The following FOXJ3 variants were observed in gnomAD, a reference collection of about 807,000 sequenced individuals.
The protein encoded by FOXJ3 is forkhead box J3.
A neutral mutation model predicts 76.1 loss-of-function variants in FOXJ3; 22 were observed. That is an observed-to-expected ratio of 0.29 (90% CI 0.21 to 0.41). The LOEUF (loss-of-function observed/expected upper bound fraction) is 0.41. FOXJ3 is among the 10% of genes least tolerant of loss of function. FOXJ3 has a pLI of 1.00. For missense variants in FOXJ3, 613 were observed against 762.1 expected, an observed-to-expected ratio of 0.80 and a Z score of 2.30; for synonymous variants, 269 against 261.2, an observed-to-expected ratio of 1.03 and a Z score of -0.29.
chr1:42,277,641 C>CA (rs1652375958), intron 3 of FOXJ3, among the ~76,000 whole-genome samples: 1 of 52,148 alleles, frequency 1.9e-5, no homozygotes, highest in East Asian at 5.8e-4. Flanking sequence ...ACTAAAAATA[C>CA]AAAAAATTAG....
chr1:42,312,351 C>G (rs1346786827), intron 1 of FOXJ3, among the ~76,000 whole-genome samples: 2 of 152,158 alleles, frequency 1.3e-5, no homozygotes, highest in Admixed American at 1.3e-4. Flanking sequence ...AGCGACTGCA[C>G]CTGGCCCTGA....
chr1:42,228,587 G>C (rs1647784714), intron 4 of FOXJ3, among the ~76,000 whole-genome samples: 1 of 142,422 alleles, frequency 7.0e-6, no homozygotes, highest in African/African-American at 2.6e-5. Flanking sequence ...AAAAAACTTT[G>C]GAAAAGCATA....
intron 2 of FOXJ3, among the ~76,000 whole-genome samples, chr1:42,289,389 T>C (rs1348158667): frequency 6.6e-6 from 1 of 152,094 alleles, no homozygotes; most frequent in Non-Finnish European, 1.5e-5. Flanking sequence ...GAGGAATAAA[T>C]GACAAGATAC....
At chr1:42,282,986 A>C (rs1292352670) in intron 2 of FOXJ3, among the ~76,000 whole-genome samples, 1 of 152,202 alleles carries the variant, frequency 6.6e-6, no homozygotes, top group Non-Finnish European at 1.5e-5. Context: ...GTGAGACTGT[A>C]ACAAGTTCAA....
At chr1:42,286,264 G>C (rs1219922098) in intron 2 of FOXJ3, among the ~76,000 whole-genome samples, 1 of 152,084 alleles carries the variant, frequency 6.6e-6, no homozygotes, top group African/African-American at 2.4e-5. Context: ...TTCTAAATTA[G>C]TTATATACAA....
intron 5 of FOXJ3, among the ~76,000 whole-genome samples, chr1:42,212,964 A>C (rs1646993349): frequency 6.7e-6 from 1 of 149,560 alleles, no homozygotes; most frequent in Admixed American, 6.6e-5. Flanking sequence ...TAGCAAAAAA[A>C]AAAAAAACAA....
intron 4 of FOXJ3, among the ~76,000 whole-genome samples, chr1:42,230,813 C>G (rs1358159549): frequency 6.6e-6 from 1 of 151,984 alleles, no homozygotes; most frequent in African/African-American, 2.4e-5. Flanking sequence ...AAAAATTAAA[C>G]AGAATTACCA....
At chr1:42,280,041 A>C (rs1228597173) in intron 2 of FOXJ3, among the ~76,000 whole-genome samples, 2 of 152,134 alleles carry the variant, frequency 1.3e-5, no homozygotes, top group East Asian at 3.9e-4. Flanking sequence ...TAAGCTGTAG[A>C]ACTGTGAAGA....
rs955948388 is a variant in FOXJ3 at position 42,265,151 on chromosome 1, G to A, written c.408C>T (p.Phe136=). The change falls in exon 4 of 13, where the codon TTC becomes TTT. Residue 136 remains phenylalanine, a synonymous_variant. Coordinates refer to ENST00000361346, the MANE Select transcript of FOXJ3 (RefSeq NM_014947.5). ...IRHNLSLNKC[F]LKVPRSKDDP... ...CATCCTTAGATCGAGGCACTTTAAG[G>A]AAACATTTGTTCAATGACAGATTAT... 8.1e-6 allele frequency: 13 copies of A among 1,602,006 alleles called. No individual in the cohort carries two copies. The Admixed American group carries it at 1.5e-4, about 19-fold the overall frequency.
intron 7 of FOXJ3, among the ~76,000 whole-genome samples, chr1:42,196,804 T>C (rs1646660536): frequency 6.6e-6 from 1 of 152,258 alleles, no homozygotes; most frequent in Non-Finnish European, 1.5e-5. Flanking sequence ...TCTAGTTCTA[T>C]ACATGCTTCT....
intron 2 of FOXJ3, among the ~76,000 whole-genome samples, chr1:42,288,594 C>T (rs574681540): frequency 9.2e-5 from 14 of 152,192 alleles, no homozygotes; most frequent in Non-Finnish European, 7.3e-5. Context: ...GTTTAAGCTG[C>T]TATATGTGGT....
At chr1:42,333,650 A>G (rs1291991668) in intron 1 of FOXJ3, among the ~76,000 whole-genome samples, 1 of 152,086 alleles carries the variant, frequency 6.6e-6, no homozygotes, top group Non-Finnish European at 1.5e-5. Flanking sequence ...TCTCACTGTT[A>G]TTGCGGGAAC....
chr1:42,192,471 T>G (rs932100437), intron 8 of FOXJ3, among the ~76,000 whole-genome samples: 1 of 152,232 alleles, frequency 6.6e-6, no homozygotes, highest in South Asian at 2.1e-4. Flanking sequence ...GAAACTATTA[T>G]TTCTAACACT....
At chr1:42,201,846 T>A (rs191888405) in intron 6 of FOXJ3, among the ~76,000 whole-genome samples, 3 of 152,274 alleles carry the variant, frequency 2.0e-5, no homozygotes, top group African/African-American at 7.2e-5. Context: ...TTGCTGGGCC[T>A]GAAGTCTTCT....
intron 5 of FOXJ3, 70 bp downstream of exon 5, chr1:42,227,808 GGAAAA>G: frequency 2.6e-6 from 2 of 767,656 alleles, no homozygotes; most frequent in Non-Finnish European, 4.2e-6. Context: ...GTGCTAGACT[GGAAAA>G]GAACTTTCAA....
At chr1:42,214,807 TC>T (rs1183272189) in intron 5 of FOXJ3, among the ~76,000 whole-genome samples, 2 of 152,098 alleles carry the variant, frequency 1.3e-5, no homozygotes, top group African/African-American at 4.8e-5. Flanking sequence ...GAAAAGGCAA[TC>T]CTGTAAGAGA....
chr1:42,187,799 T>C (rs944129404), intron 11 of FOXJ3, among the ~76,000 whole-genome samples: 5 of 152,170 alleles, frequency 3.3e-5, no homozygotes, highest in Admixed American at 6.5e-5. Flanking sequence ...ACTGAATGAA[T>C]AGGTCACCAG....
chr1:42,185,665 C>G lies in FOXJ3; in HGVS notation c.1645+3072G>C, dbSNP rs555875448. Among the ~76,000 whole-genome samples, 7 of 152,166 alleles carry G rather than the reference C, an allele frequency of 4.6e-5. No individual in the cohort carries two copies. In the East Asian group the frequency reaches 1.2e-3, roughly 25 times the overall value. On this transcript the variant is annotated intron_variant, in intron 11 of 12. Coordinates refer to ENST00000361346, the MANE Select transcript of FOXJ3 (RefSeq NM_014947.5). ...ACAGAAAAGGTGTCTAGTGTGTGCT[C>G]AATGACTGCATTCCTACCTATATTT...
In FOXJ3 at chr1:42,327,693, T is replaced by TA. The variant is rs1035132260; in HGVS notation, c.-18+7365dup. Among the ~76,000 whole-genome samples, 639 of 148,592 alleles carry TA rather than the reference T, an allele frequency of 4.3e-3. 3 individuals carry two copies. The highest frequency in any genetic ancestry group is 0.014 in the African/African-American group (586 of 40,654). ...GGTGTCAAAGGTCAGGTCCCAATCTTAAAAAAAAAAGATGATTCCAATTTA... is the reference window on the plus strand; with the variant it reads ...GGTGTCAAAGGTCAGGTCCCAATCTTAAAAAAAAAAAGATGATTCCAATTTA... On this transcript the variant is annotated intron_variant, in intron 1 of 12. Coordinates refer to ENST00000361346, the MANE Select transcript of FOXJ3 (RefSeq NM_014947.5).
Sources: allele counts gnomAD v4.1 joint callset (sites outside exome capture counted in the v4.1 genomes callset), GRCh38; gene constraint gnomAD v4.1.1; transcripts MANE v1.5; gene names NCBI Gene and HGNC (gene_info 2026-07-23, HGNC 2026-07-21).